The following ANKS1B variants were observed in gnomAD, a reference collection of about 807,000 sequenced individuals.
ANKS1B encodes ankyrin repeat and sterile alpha motif domain-containing protein 1B.
A neutral mutation model predicts 148.3 loss-of-function variants in ANKS1B; 36 were observed. The ratio of observed to expected loss-of-function variants is 0.24; its 90% CI spans 0.19 to 0.32. The LOEUF (loss-of-function observed/expected upper bound fraction) is 0.32, where lower values mean the gene tolerates loss of function less well. ANKS1B is among the 10% of genes least tolerant of loss of function. The pLI is 1.00. For synonymous variants in ANKS1B, 542 were observed against 560.8 expected (o/e 0.97, Z 0.47); for missense variants, 1,157 against 1,542.6 (o/e 0.75, Z 4.19).
intron 10 of ANKS1B, among the ~76,000 whole-genome samples, chr12:99,450,529 G>T (rs148767180): frequency 2.2e-3 from 336 of 151,980 alleles, no homozygotes; most frequent in Admixed American, 5.8e-3. Context: ...CTTCTTGAAT[G>T]TTTTTTTTCT....
At chr12:98,889,355 T>TA (rs200059754) in intron 17 of ANKS1B, among the ~76,000 whole-genome samples, 1 of 152,120 alleles carries the variant, frequency 6.6e-6, no homozygotes, top group African/African-American at 2.4e-5. Flanking sequence ...TTTTTATTTT[T>TA]TTTTTTTTTG....
chr12:99,628,158 C>T (rs1361335572), intron 9 of ANKS1B, among the ~76,000 whole-genome samples: 4 of 151,934 alleles, frequency 2.6e-5, no homozygotes, highest in Admixed American at 6.6e-5. Context: ...ATACTGTAGA[C>T]GATTGTCTAC....
intron 17 of ANKS1B, among the ~76,000 whole-genome samples, chr12:98,848,559 ATT>A (rs199611015): frequency 3.4e-4 from 47 of 136,404 alleles, no homozygotes; most frequent in East Asian, 4.3e-4. Context: ...GTAATTTGTG[ATT>A]TTTTTTTTTT....
chr12:99,275,117 C>T (rs945283381), intron 12 of ANKS1B, among the ~76,000 whole-genome samples: 1 of 152,146 alleles, frequency 6.6e-6, no homozygotes, highest in Non-Finnish European at 1.5e-5. Flanking sequence ...CATTGTGATA[C>T]AGCCATATAA....
In ANKS1B at chr12:99,825,483, G is replaced by A. The variant is rs148663024; in HGVS notation, c.135-94C>T. On this transcript the variant is annotated intron_variant, in intron 1 of 26. Transcript: ENST00000683438. ...CTGGTAGCCCCACAGTCAGCAGCAG[G>A]TTGTAGATAAAAATTTTAGCCATGT... 4.4e-4 allele frequency: 395 copies of A among 899,414 alleles called. No individual in the cohort carries two copies. The African/African-American group carries it at 5.3e-3, about 12-fold the overall frequency. 55.7% of individuals were successfully genotyped at this position (899,414 alleles called of 1,614,324 possible).
chr12:99,051,550 C>G (rs1333419450), intron 17 of ANKS1B, among the ~76,000 whole-genome samples: 1 of 152,162 alleles, frequency 6.6e-6, no homozygotes, highest in African/African-American at 2.4e-5. Context: ...TGATGAGTGT[C>G]AAGTTCTTGA....
At chr12:99,238,075 G>A (rs917505656) in intron 14 of ANKS1B, among the ~76,000 whole-genome samples, 4 of 152,354 alleles carry the variant, frequency 2.6e-5, no homozygotes, top group East Asian at 1.9e-4. Context: ...CACAGAGGGC[G>A]AGCTGAAGCA....
At chr12:99,525,856 G>A (rs1379037405) in intron 9 of ANKS1B, among the ~76,000 whole-genome samples, 1 of 151,960 alleles carries the variant, frequency 6.6e-6, no homozygotes, top group Non-Finnish European at 1.5e-5. Context: ...TATTAAATTT[G>A]TATAAAGAAA....
intron 12 of ANKS1B, among the ~76,000 whole-genome samples, chr12:99,385,589 T>C (rs929030760): frequency 1.9e-4 from 29 of 152,228 alleles, no homozygotes; most frequent in Middle Eastern, 3.2e-3. Flanking sequence ...CAGTTTTAAT[T>C]TGATATAAGG....
intron 19 of ANKS1B, among the ~76,000 whole-genome samples, chr12:98,810,613 C>G (rs1418462308): frequency 6.6e-6 from 1 of 152,122 alleles, no homozygotes; most frequent in Non-Finnish European, 1.5e-5. Context: ...TAAGTTAACA[C>G]AAGTATATCT....
chr12:98,903,786 T>C (rs1284554350), intron 17 of ANKS1B, among the ~76,000 whole-genome samples: 2 of 152,214 alleles, frequency 1.3e-5, no homozygotes, highest in East Asian at 3.8e-4. Context: ...ACCTCCCCTC[T>C]GATGTTTGAA....
chr12:99,273,723 C>T (rs956278224), intron 12 of ANKS1B, among the ~76,000 whole-genome samples: 11 of 151,562 alleles, frequency 7.3e-5, no homozygotes, highest in East Asian at 1.9e-4. Flanking sequence ...ATTACAGGCG[C>T]GTGCCACCAC....
At chr12:99,113,394 G>A (rs1279797650) in intron 15 of ANKS1B, among the ~76,000 whole-genome samples, 1 of 152,146 alleles carries the variant, frequency 6.6e-6, no homozygotes, top group Non-Finnish European at 1.5e-5. Context: ...ACGAAACACA[G>A]TGTTCAAAAT....
intron 1 of ANKS1B, among the ~76,000 whole-genome samples, chr12:99,956,005 T>C (rs1207852969): frequency 2.0e-5 from 3 of 152,158 alleles, no homozygotes; most frequent in Admixed American, 1.3e-4. Context: ...CTGGGTGCCA[T>C]GGCTCATGCC....
At chr12:99,764,026 A>G (rs1355318227) in intron 8 of ANKS1B, among the ~76,000 whole-genome samples, 1 of 152,222 alleles carries the variant, frequency 6.6e-6, no homozygotes, top group Admixed American at 6.5e-5. Flanking sequence ...ATCACCCAAC[A>G]GGGGAAGTTC....
In ANKS1B at chr12:99,775,544, T is replaced by C. The variant is rs755118059; in HGVS notation, c.961+4A>G. 1.2e-6 allele frequency: 2 copies of C among 1,603,010 alleles called. No homozygotes were observed. The highest frequency in any genetic ancestry group is 1.1e-5 in the South Asian group (1 of 90,730). ...ATTCCAGGGCTTTATAATTAGGTAC[T>C]CACTTTTGGTCTTTTGGGAAGGAGA... is the stretch of plus-strand genomic sequence containing the variant. On this transcript the variant is annotated splice_donor_region_variant and intron_variant, in intron 7 of 26. Coordinates refer to ENST00000683438, the MANE Select transcript of ANKS1B (RefSeq NM_001352186.2).
At chr12:99,639,801 T>A (rs1051226380) in intron 9 of ANKS1B, among the ~76,000 whole-genome samples, 1 of 152,212 alleles carries the variant, frequency 6.6e-6, no homozygotes, top group African/African-American at 2.4e-5. Flanking sequence ...ATTGAACCTC[T>A]TTCCTTTATA....
At chr12:99,937,534 T>C (rs908890943) in intron 1 of ANKS1B, among the ~76,000 whole-genome samples, 15 of 152,054 alleles carry the variant, frequency 9.9e-5, no homozygotes, top group Admixed American at 5.9e-4. Flanking sequence ...TGCCTGCTGA[T>C]TGGGAGGCAA....
intron 8 of ANKS1B, among the ~76,000 whole-genome samples, chr12:99,691,956 C>T (rs996566071): frequency 6.6e-6 from 1 of 152,084 alleles, no homozygotes; most frequent in Non-Finnish European, 1.5e-5. Context: ...GCAAGAACAA[C>T]AAAAGCCAGT....
Sources: gnomAD v4.1 joint callset for allele counts (sites outside exome capture counted in the v4.1 genomes callset) on GRCh38, gnomAD v4.1.1 for gene constraint, MANE v1.5 for transcripts, NCBI Gene and HGNC (gene_info 2026-07-23, HGNC 2026-07-21) for gene names.